The following NOL6 variants were observed in gnomAD, a reference collection of about 807,000 sequenced individuals.
NOL6 encodes nucleolar RNA-associated protein.
Under a neutral mutation model 131.7 loss-of-function variants are expected in NOL6, and 33 were observed. That is an observed-to-expected ratio of 0.25 (90% confidence interval 0.19 to 0.33). The LOEUF (loss-of-function observed/expected upper bound fraction) is 0.33. Ranked by LOEUF, NOL6 falls within the 10% of genes least tolerant of loss-of-function variation. NOL6 has a pLI of 1.00. For synonymous variants in NOL6, 580 were observed against 605.7 expected (o/e 0.96, Z 0.62); for missense variants, 1,297 against 1,494.5 (o/e 0.87, Z 2.18).
At chr9:33,463,977 TG>T in intron 22 of NOL6, 57 bp from the exon 23 acceptor site, 1 of 1,613,246 alleles carries the variant, frequency 6.2e-7, no homozygotes, top group Non-Finnish European at 8.5e-7. Flanking sequence ...CAGGTCAGGC[TG>T]GGCCTGCTTT....
intron 25 of NOL6, 94 bp downstream of exon 25, chr9:33,462,939 G>A: frequency 1.3e-6 from 2 of 1,538,444 alleles, no homozygotes; most frequent in Non-Finnish European, 1.8e-6. Flanking sequence ...ACCTGACACG[G>A]GTTTGCCCAT....
In NOL6 at chr9:33,465,813, A is replaced by T; in HGVS notation, c.2449T>A (p.Ser817Thr). 1 of 1,614,088 alleles carries T rather than the reference A, an allele frequency of 6.2e-7. No individual in the cohort carries two copies. The highest frequency in any genetic ancestry group is 8.5e-7 in the Non-Finnish European group (1 of 1,179,988). Residue 817 changes from serine to threonine, a missense_variant, in exon 19 of 26, where the codon TCG becomes ACG. By Grantham distance (58) the Ser-to-Thr change is moderately conservative. Transcript: ENST00000297990. ...KEVQSPEGMI[S>T]LRDTAASLRL... ...AGGGAGGCAGCTGTGTCCCTCAGCGAGATCATCCCCTCTGGGCTCTGCACC... is the reference window on the plus strand; with the variant it reads ...AGGGAGGCAGCTGTGTCCCTCAGCGTGATCATCCCCTCTGGGCTCTGCACC...
chr9:33,470,115 A>C lies in NOL6; in HGVS notation c.455T>G (p.Phe152Cys). The part of the protein sequence containing the change: ...HQVPYAVKGC[F>C]RFLPPAQVTV... ...AACCTGGGCTGGGGGCAGGAAGCGG[A>C]AACAGCCCTTCACGGCATAGGGCAC... Residue 152 changes from phenylalanine (F) to cysteine (C), a missense_variant, in exon 4 of 26, where the codon TTC becomes TGC. Phe to Cys is a radical substitution (Grantham distance 205, BLOSUM62 -2). Transcript: ENST00000297990. The C allele has an allele frequency of 6.2e-7, 1 of 1,613,080 alleles. No homozygotes were observed. Among genetic ancestry groups the C allele is most frequent in the East Asian group, 2.2e-5 (1 of 44,834 alleles).
chr9:33,463,470 AG>A (rs775906263), intron 23 of NOL6, 29 bp from the exon 24 acceptor site: 4 of 1,578,536 alleles, frequency 2.5e-6, no homozygotes, highest in East Asian at 4.5e-5. Context: ...AGGGGTCAGC[AG>A]GACCCCCTTG....
rs1444120484 is a variant in NOL6 at position 33,467,308 on chromosome 9, G to A, written c.1726-46C>T. 3 of 1,610,668 alleles carry A rather than the reference G, an allele frequency of 1.9e-6. No homozygotes were observed. The highest frequency in any genetic ancestry group is 2.2e-5 in the East Asian group (1 of 44,770). ...GTAGAGCTGGGGAAGGAAGGGCTCTGTGGACCCTCCCCAACAAGCTTCAGT... is the reference window on the plus strand; with the variant it reads ...GTAGAGCTGGGGAAGGAAGGGCTCTATGGACCCTCCCCAACAAGCTTCAGT... On this transcript the variant is annotated intron_variant, in intron 13 of 25. Transcript: ENST00000297990. The surrounding 1 kb of genome is among the most constrained non-coding windows in gnomAD (Gnocchi z 4.4).
At position 33,468,733 on chromosome 9, in the gene NOL6, C is replaced by T; in HGVS notation, c.1147+19G>A. ...AGGAGGAGTGGAGCCCCTGGCCTTT[C>T]CCCACCTAGTTGCCTCACCCAGAAA... On this transcript the variant is annotated intron_variant, in intron 8 of 25. Transcript: ENST00000297990. The T allele has an allele frequency of 1.2e-6, 2 of 1,614,054 alleles. No individual in the cohort carries two copies. Among genetic ancestry groups the T allele is most frequent in the African/African-American group, 1.3e-5 (1 of 75,062 alleles).
Position 33,463,288 on chromosome 9 carries a change from G to A in NOL6, c.3148C>T (p.Leu1050=), listed in dbSNP as rs1827147457. The change falls in exon 24 of 26, where the codon CTG becomes TTG. Residue 1050 remains leucine, a synonymous_variant. Coordinates refer to ENST00000297990, the MANE Select transcript of NOL6 (RefSeq NM_022917.5). ...QPGPSSLMPV[L]GYDPPQLYLT... is the part of the protein sequence containing the mutation. ...TAGAGCTGAGGAGGATCATAGCCCA[G>A]CACGGGCATCAGGGATGAGGGCCCC... 6.2e-7 allele frequency: 1 copy of A among 1,614,002 alleles called. No individual in the cohort carries two copies. Among genetic ancestry groups the A allele is most frequent in the African/African-American group, 1.3e-5 (1 of 74,946 alleles).
Position 33,469,025 on chromosome 9 carries a change from G to A in NOL6, c.959C>T (p.Ser320Leu), listed in dbSNP as rs1417845437. ...CACGCCATCCTTCAGGCCCTGGGCT[G>A]AACTCAGAATGGTTGACAGCAGCTG... ...HLQLLSTILS[S>L]AQGLKDGVAL... The change falls in exon 7 of 26, where the codon TCA (serine) becomes TTA (leucine). Residue 320 changes from serine to leucine, a missense_variant. By Grantham distance (145) the Ser-to-Leu change is moderately radical. Transcript: ENST00000297990. 1 of 1,614,160 alleles carries A rather than the reference G, an allele frequency of 6.2e-7. No homozygotes were observed. The highest frequency in any genetic ancestry group is 2.2e-5 in the East Asian group (1 of 44,876).
chr9:33,461,980 A>G lies in NOL6; in HGVS notation c.*684T>C, dbSNP rs1827105142. ...CAGATGCAGCTAACGGGTAGCCCCC[A>G]GTGCTTTTTGCACCTCTCCAAGATT... On this transcript the variant is annotated 3_prime_UTR_variant, in exon 26 of 26. Coordinates refer to ENST00000297990, the MANE Select transcript of NOL6 (RefSeq NM_022917.5). 6 of 598,352 alleles carry G rather than the reference A, an allele frequency of 1.0e-5. No individual in the cohort carries two copies. The Middle Eastern group carries it at 8.3e-4, about 83-fold the overall frequency. 37.1% of individuals were successfully genotyped at this position (598,352 alleles called of 1,614,324 possible).
At position 33,466,921 on chromosome 9, in the gene NOL6, G is replaced by A. The variant is rs753802639; in HGVS notation, c.1941C>T (p.Gly647=). ...ACCCCAAGACCCTTACCTCTTTCAG[G>A]CCTTGGATAAGTGCATCCAGGGGGC... ...VGGPLDALIQ[G]LKETSSTGEE... Residue 647 remains glycine (G), a synonymous_variant, in exon 15 of 26, where the codon GGC becomes GGT. Coordinates refer to ENST00000297990, the MANE Select transcript of NOL6 (RefSeq NM_022917.5). 2 of 1,613,900 alleles carry A rather than the reference G, an allele frequency of 1.2e-6. No homozygotes were observed. The highest frequency in any genetic ancestry group is 1.7e-6 in the Non-Finnish European group (2 of 1,179,980).
At position 33,462,604 on chromosome 9, in the gene NOL6, C is replaced by G; in HGVS notation, c.*60G>C. The G allele has an allele frequency of 6.3e-7, 1 of 1,586,166 alleles. No homozygotes were observed. The highest frequency in any genetic ancestry group is 1.7e-5 in the Admixed American group (1 of 58,708). On this transcript the variant is annotated 3_prime_UTR_variant, in exon 26 of 26. Transcript: ENST00000297990. ...AGGAGGGTGGAGGTCATCCTACTGA[C>G]ATCTTGCTCTAGAGGTCCAATGTCC...
chr9:33,468,198 G>T, intron 10 of NOL6, 53 bp from the exon 11 acceptor site: 2 of 1,613,424 alleles, frequency 1.2e-6, no homozygotes, highest in South Asian at 2.2e-5. Flanking sequence ...CAAGGGCTTA[G>T]ACCAGGAGAC....
Position 33,466,905 on chromosome 9 carries a change from C to CCCT in NOL6, c.1950+4_1950+6dup. 2.5e-6 allele frequency: 4 copies of CCCT among 1,613,702 alleles called. No homozygotes were observed. The highest frequency in any genetic ancestry group is 3.4e-6 in the Non-Finnish European group (4 of 1,179,832). Reference sequence around the variant, plus strand: ...ACAATCACTAGCCTTGACCCCAAGACCCTTACCTCTTTCAGGCCTTGGATA... The same window carrying CCCT: ...ACAATCACTAGCCTTGACCCCAAGACCCTCCTTACCTCTTTCAGGCCTTGGATA... On this transcript the variant is annotated splice_region_variant and intron_variant, in intron 15 of 25. Transcript: ENST00000297990.
chr9:33,462,983 C>A, intron 25 of NOL6, 50 bp downstream of exon 25: 1 of 1,575,588 alleles, frequency 6.3e-7, no homozygotes, highest in Non-Finnish European at 8.7e-7. Flanking sequence ...CATGCCCACA[C>A]AGAACCACGT....
Position 33,469,062 on chromosome 9 carries a change from C to T in NOL6, c.922G>A (p.Glu308Lys), listed in dbSNP as rs750206700. Reference sequence around the variant, plus strand: ...GTTGACAGCAGCTGCAAATGGGACTCGAGAACTGTATCTTGCAGGACCCAT... The same window carrying T: ...GTTGACAGCAGCTGCAAATGGGACTTGAGAACTGTATCTTGCAGGACCCAT... ...NTWVLQDTVL[E>K]SHLQLLSTIL... The change falls in exon 7 of 26, where the codon GAG (glutamate) becomes AAG (lysine). Residue 308 changes from glutamate (E) to lysine (K), a missense_variant. Coordinates refer to ENST00000297990, the MANE Select transcript of NOL6 (RefSeq NM_022917.5). The T allele has an allele frequency of 2.1e-5, 34 of 1,614,034 alleles. No homozygotes were observed. Among genetic ancestry groups the T allele is most frequent in the Non-Finnish European group, 2.8e-5 (33 of 1,180,050 alleles).
chr9:33,466,515 G>A, intron 16 of NOL6, 54 bp downstream of exon 16: 4 of 1,612,118 alleles, frequency 2.5e-6, no homozygotes, highest in Non-Finnish European at 1.7e-6. Context: ...CTGGGTGACT[G>A]GAGCAGAGGT....
rs751583615 is a variant in NOL6, at chr9:33,473,817, T to G, written c.26A>C (p.Gln9Pro). The G allele has an allele frequency of 3.7e-6, 6 of 1,611,830 alleles. No individual in the cohort carries two copies. Among genetic ancestry groups the G allele is most frequent in the Non-Finnish European group, 5.1e-6 (6 of 1,180,026 alleles). Residue 9 changes from glutamine (Q) to proline (P), a missense_variant, in exon 1 of 26, where the codon CAG becomes CCG. By Grantham distance (76) the Gln-to-Pro change is moderately conservative. Transcript: ENST00000297990. ...TGGCTCTCCAGTCGCTCCGCGAAGCTGCTCTCCAGCTGGCGCCGGCCCCAT... is the reference window on the plus strand; with the variant it reads ...TGGCTCTCCAGTCGCTCCGCGAAGCGGCTCTCCAGCTGGCGCCGGCCCCAT... MGPAPAGEQLRGATGEPEV... is the reference protein window; with the variant it reads MGPAPAGEPLRGATGEPEV...
chr9:33,463,578 T>G, intron 23 of NOL6, 137 bp from the exon 24 acceptor site: 1 of 840,892 alleles, frequency 1.2e-6, no homozygotes, highest in Non-Finnish European at 1.8e-6. Flanking sequence ...ATTTGAAGAC[T>G]GAAGCACCAA....
In NOL6 at chr9:33,466,079, C is replaced by A; in HGVS notation, c.2356G>T (p.Val786Phe). The change falls in exon 18 of 26, where the codon GTC becomes TTC. Residue 786 changes from valine to phenylalanine, a missense_variant. Transcript: ENST00000297990. ...QCRATATHTD[V>F]LKDGFVFRIR... Reference sequence around the variant, plus strand: ...GCCTGCACCAGCCTAACCTTAAGGACATCCGTGTGCGTGGCAGTGGCACGG... The same window carrying A: ...GCCTGCACCAGCCTAACCTTAAGGAAATCCGTGTGCGTGGCAGTGGCACGG... The A allele has an allele frequency of 6.3e-7, 1 of 1,587,512 alleles. No homozygotes were observed. Among genetic ancestry groups the A allele is most frequent in the Non-Finnish European group, 8.6e-7 (1 of 1,163,494 alleles).
Sources: allele counts gnomAD v4.1 joint callset, GRCh38; gene constraint gnomAD v4.1.1; non-coding constraint Gnocchi (gnomAD v3.1); transcripts MANE v1.5; gene names NCBI Gene and HGNC (gene_info 2026-07-23, HGNC 2026-07-21).